Variants in SYNDIG1L observed in about 807,000 individuals in gnomAD.
SYNDIG1L encodes the protein synapse differentiation inducing 1 like, also known as synapse differentiation-inducing gene protein 1-like.
Under a neutral mutation model 20.1 loss-of-function variants are expected in SYNDIG1L, and 13 were observed. The observed-to-expected ratio is 0.65, with a 90% CI of 0.42 to 1.03. SYNDIG1L has a LOEUF of 1.03. Among genes scored for constraint, SYNDIG1L ranks in the 50% least tolerant of loss-of-function variants. SYNDIG1L has a pLI of 0.00. For synonymous variants in SYNDIG1L, 128 were observed against 129.3 expected (o/e 0.99, Z 0.07); for missense variants, 294 against 305.1 (o/e 0.96, Z 0.27).
the SYNDIG1L span, among the ~76,000 whole-genome samples, chr14:74,450,202 T>G: frequency 6.6e-6 from 1 of 152,146 alleles, no homozygotes; most frequent in African/African-American, 2.4e-5. Flanking sequence ...CTATATCTAT[T>G]AGAGAAATTG....
the SYNDIG1L span, among the ~76,000 whole-genome samples, chr14:74,443,763 A>G: frequency 6.6e-6 from 1 of 152,192 alleles, no homozygotes; most frequent in Non-Finnish European, 1.5e-5. Flanking sequence ...AAAAGGGAAG[A>G]GATTGAATCT....
chr14:74,407,996 A>T lies in SYNDIG1L; in HGVS notation c.418-7T>A. The T allele has an allele frequency of 1.2e-6, 2 of 1,604,516 alleles. No individual in the cohort carries two copies. Among genetic ancestry groups the T allele is most frequent in the South Asian group, 2.2e-5 (2 of 89,096 alleles). On this transcript the variant is annotated splice_region_variant and splice_polypyrimidine_tract_variant and intron_variant, in intron 2 of 3. Transcript: ENST00000331628. ...CCGTTGAAGTGGCATCGCTCTGCAA[A>T]ACAGTGGAGTTTGGTGACCAGGCCC...
rs568650164 is a variant in SYNDIG1L at position 74,406,027 on chromosome 14, T to C, written c.*1508A>G. ...GGACAGTGGGACAAGGGATGCTCAG[T>C]GGTGGAGCCACAGCCCTGGGCTCTG... On this transcript the variant is annotated 3_prime_UTR_variant, in exon 4 of 4. Transcript: ENST00000331628. 5.0e-6 allele frequency: 2 copies of C among 398,608 alleles called. No individual in the cohort carries two copies. Among genetic ancestry groups the C allele is most frequent in the Non-Finnish European group, 8.8e-6 (2 of 226,226 alleles). The allele number at this position is 398,608 out of a possible 1,614,324, so 24.7% of individuals were successfully genotyped here.
the SYNDIG1L span, among the ~76,000 whole-genome samples, chr14:74,460,663 T>A: frequency 6.6e-6 from 1 of 152,160 alleles, no homozygotes; most frequent in Non-Finnish European, 1.5e-5. Flanking sequence ...TTCTAATCAC[T>A]CTTGCTTCGG....
chr14:74,429,862 T>G (rs1430400036), upstream of SYNDIG1L, among the ~76,000 whole-genome samples: 1 of 152,198 alleles, frequency 6.6e-6, no homozygotes, highest in African/African-American at 2.4e-5. Context: ...GTCAGGCCCT[T>G]TGGTTTGAGG....
At chr14:74,468,696 G>T in the SYNDIG1L span, among the ~76,000 whole-genome samples, 1 of 151,962 alleles carries the variant, frequency 6.6e-6, no homozygotes, top group Non-Finnish European at 1.5e-5. Flanking sequence ...ACTCATCGAG[G>T]ACTTGCGTGG....
At chr14:74,435,114 A>G in the SYNDIG1L span, among the ~76,000 whole-genome samples, 2 of 141,020 alleles carry the variant, frequency 1.4e-5, no homozygotes, top group East Asian at 2.1e-4. Context: ...AAAAAAATCT[A>G]GGGGAAGACT....
intron 1 of SYNDIG1L, among the ~76,000 whole-genome samples, chr14:74,412,688 C>T (rs926853110): frequency 2.6e-5 from 4 of 152,180 alleles, no homozygotes; most frequent in Admixed American, 2.6e-4. Flanking sequence ...GAGAGCAAGG[C>T]ATCAGTTTTC....
Position 74,413,966 on chromosome 14 carries a change from C to G in SYNDIG1L, c.-57-4165G>C, listed in dbSNP as rs149750927. Among the ~76,000 whole-genome samples, 300 of 152,336 alleles carry G rather than the reference C, an allele frequency of 2.0e-3. 1 individual carries two copies. Among genetic ancestry groups the G allele is most frequent in the Non-Finnish European group, 8.5e-4 (58 of 68,032 alleles). On this transcript the variant is annotated intron_variant, in intron 1 of 3. Transcript: ENST00000331628. ...AGTTCGCGGACGTGATCCTGGAGACCCAGCACAGATTCCTGACCAGAAGGA... is the reference window on the plus strand; with the variant it reads ...AGTTCGCGGACGTGATCCTGGAGACGCAGCACAGATTCCTGACCAGAAGGA...
the SYNDIG1L span, among the ~76,000 whole-genome samples, chr14:74,475,822 A>C: frequency 1.3e-5 from 2 of 152,148 alleles, no homozygotes; most frequent in South Asian, 4.1e-4. Context: ...CCGCCCTCAC[A>C]ATATGAGTAA....
intron 1 of SYNDIG1L, among the ~76,000 whole-genome samples, chr14:74,417,947 G>A (rs1451461762): frequency 2.0e-5 from 3 of 152,242 alleles, no homozygotes; most frequent in Non-Finnish European, 2.9e-5. Flanking sequence ...CCTTTGTGAA[G>A]AAGTTGAGAT....
At chr14:74,416,351 A>G (rs2086174579) in intron 1 of SYNDIG1L, among the ~76,000 whole-genome samples, 1 of 152,148 alleles carries the variant, frequency 6.6e-6, no homozygotes, top group South Asian at 2.1e-4. Context: ...AAAAAGACAA[A>G]GAGGCTAGGC....
chr14:74,423,693 TACAC>T (rs10532344), intron 1 of SYNDIG1L, among the ~76,000 whole-genome samples: 57,544 of 151,098 alleles, frequency 0.38, 11,313 homozygotes, highest in Non-Finnish European at 0.44. Flanking sequence ...GATATATATA[TACAC>T]ACACACACAC....
chr14:74,431,236 C>T, the SYNDIG1L span, among the ~76,000 whole-genome samples: 25 of 151,466 alleles, frequency 1.7e-4, 1 homozygote, highest in Non-Finnish European at 4.4e-5. Context: ...TTTGCATGTG[C>T]GTGTGTGTGT....
the SYNDIG1L span, among the ~76,000 whole-genome samples, chr14:74,460,296 C>T: frequency 0.022 from 3,325 of 152,108 alleles, 149 homozygotes; most frequent in African/African-American, 0.076. Flanking sequence ...CACAGAAGAC[C>T]TCGCTTTCCC....
chr14:74,409,294 T>C (rs1270562272), intron 2 of SYNDIG1L, 34 bp downstream of exon 2: 2 of 1,387,702 alleles, frequency 1.4e-6, no homozygotes, highest in African/African-American at 2.9e-5. Flanking sequence ...GTGTTGCTCA[T>C]GCTGGAATCT....
intron 1 of SYNDIG1L, among the ~76,000 whole-genome samples, chr14:74,425,665 A>C (rs143688148): frequency 3.1e-3 from 475 of 152,300 alleles, no homozygotes; most frequent in African/African-American, 0.011. Context: ...GCCTGAGGTC[A>C]GGGTCAAGGC....
Position 74,416,623 on chromosome 14 carries a change from G to A in SYNDIG1L, c.-57-6822C>T, listed in dbSNP as rs149799885. 4.1e-3 allele frequency among the ~76,000 whole-genome samples: 619 copies of A among 152,070 alleles called. 4 individuals carry two copies. The highest frequency in any genetic ancestry group is 5.8e-3 in the Non-Finnish European group (397 of 68,020). On this transcript the variant is annotated intron_variant, in intron 1 of 3. Coordinates refer to ENST00000331628, the MANE Select transcript of SYNDIG1L (RefSeq NM_001105579.2). ...CACTGCAGCCTGGGCAACAGAGCAAGACTTTGTCTCAAAAACAAAAACAAA... is the reference window on the plus strand; with the variant it reads ...CACTGCAGCCTGGGCAACAGAGCAAAACTTTGTCTCAAAAACAAAAACAAA...
At chr14:74,458,469 A>G in the SYNDIG1L span, among the ~76,000 whole-genome samples, 96 of 151,964 alleles carry the variant, frequency 6.3e-4, no homozygotes, top group Non-Finnish European at 4.4e-5. Context: ...AAAAAATACA[A>G]AAATTAGCTG....
Sources: allele counts gnomAD v4.1 joint callset (sites outside exome capture counted in the v4.1 genomes callset), GRCh38; gene constraint gnomAD v4.1.1; transcripts MANE v1.5; gene names NCBI Gene and HGNC (gene_info 2026-07-23, HGNC 2026-07-21).